Variants in PPP1R42 observed in about 807,000 individuals in gnomAD.
PPP1R42 encodes leucine rich repeat containing 67.
A neutral mutation model predicts 31.0 loss-of-function variants in PPP1R42; 34 were observed. That is an observed-to-expected ratio of 1.10 (90% CI 0.83 to 1.46). The LOEUF is 1.46. Ranked by LOEUF, PPP1R42 falls within the 40% of genes most tolerant of loss-of-function variation. The pLI, the probability that PPP1R42 is intolerant of heterozygous loss-of-function variation, is 0.00. For missense variants in PPP1R42, 268 were observed against 303.0 expected (o/e 0.88, Z 0.86); for synonymous variants, 103 against 109.8 (o/e 0.94, Z 0.39).
intron 7 of PPP1R42, 61 bp downstream of exon 7, chr8:66,981,985 TTTG>T (rs894297364): frequency 8.7e-6 from 11 of 1,266,152 alleles, no homozygotes; most frequent in Non-Finnish European, 1.1e-5. Flanking sequence ...TTGGCATTTT[TTTG>T]TTGCCTAGAA....
intron 5 of PPP1R42, among the ~76,000 whole-genome samples, chr8:67,006,679 A>C (rs1460921812): frequency 9.9e-6 from 1 of 100,616 alleles, no homozygotes; most frequent in Admixed American, 1.1e-4. Context: ...TTGCTTATGT[A>C]TTTTTTTTAA....
intron 7 of PPP1R42, among the ~76,000 whole-genome samples, chr8:66,976,776 T>C (rs868089171): frequency 1.1e-4 from 16 of 152,182 alleles, no homozygotes; most frequent in African/African-American, 3.9e-4. Flanking sequence ...CCATTGTGTA[T>C]ATATACCACA....
At chr8:66,970,706 C>G (rs1182966939) in intron 7 of PPP1R42, 2 of 425,484 alleles carry the variant, frequency 4.7e-6, no homozygotes, top group Non-Finnish European at 9.1e-6. Flanking sequence ...CCTACTGCCT[C>G]TGGGACTTTT....
intron 1 of PPP1R42, among the ~76,000 whole-genome samples, chr8:67,028,270 T>C (rs1156370447): frequency 6.6e-6 from 1 of 152,100 alleles, no homozygotes; most frequent in Non-Finnish European, 1.5e-5. Flanking sequence ...TCCACCTGTG[T>C]CTCCCTCCTC....
chr8:66,966,644 G>C (rs1344457461), intron 7 of PPP1R42, among the ~76,000 whole-genome samples: 1 of 152,010 alleles, frequency 6.6e-6, no homozygotes, highest in Non-Finnish European at 1.5e-5. Flanking sequence ...AACTGGCCGG[G>C]CGTGGTGGCA....
chr8:66,993,837 GATGAATGA>G lies in PPP1R42; in HGVS notation c.553-5328_553-5321del, dbSNP rs140471052. On this transcript the variant is annotated intron_variant, in intron 5 of 7. Transcript: ENST00000685739. ...AGGTGTTTTCAATGAATGTATGAGA[GATGAATGA>G]ATGAATGAATGAATGAACAAGAGAG... Among the ~76,000 whole-genome samples the G allele has an allele frequency of 4.6e-5, 7 of 151,924 alleles. No individual in the cohort carries two copies. In the South Asian group the frequency reaches 6.2e-4, roughly 14 times the overall value.
At chr8:67,024,771 C>T (rs765830511) in intron 1 of PPP1R42, among the ~76,000 whole-genome samples, 8 of 152,026 alleles carry the variant, frequency 5.3e-5, no homozygotes, top group Non-Finnish European at 8.8e-5. Context: ...GCCACTGCAC[C>T]CAGCCTAATT....
chr8:67,012,428 C>A (rs1041862215), intron 4 of PPP1R42, among the ~76,000 whole-genome samples: 1 of 152,112 alleles, frequency 6.6e-6, no homozygotes, highest in Non-Finnish European at 1.5e-5. Flanking sequence ...TGACTGGTTT[C>A]AGGCGACACA....
intron 4 of PPP1R42, 39 bp downstream of exon 4, chr8:67,012,919 C>G: frequency 6.5e-7 from 1 of 1,537,322 alleles, no homozygotes; most frequent in South Asian, 1.3e-5. Context: ...ACTTGTTAAT[C>G]ACTATATTCC....
chr8:67,021,001 C>T (rs1427922971), intron 1 of PPP1R42, among the ~76,000 whole-genome samples: 1 of 152,094 alleles, frequency 6.6e-6, no homozygotes, highest in African/African-American at 2.4e-5. Context: ...TGAGGTAACC[C>T]GTTTTTTCAA....
chr8:66,965,952 T>C (rs925510205), intron 7 of PPP1R42, among the ~76,000 whole-genome samples: 1 of 152,038 alleles, frequency 6.6e-6, no homozygotes, highest in Admixed American at 6.6e-5. Context: ...TAAAAGAATA[T>C]GTCAAACTAC....
At chr8:66,968,029 C>G (rs1814434882) in intron 7 of PPP1R42, among the ~76,000 whole-genome samples, 1 of 151,924 alleles carries the variant, frequency 6.6e-6, no homozygotes, top group Non-Finnish European at 1.5e-5. Context: ...TTTACTGTGA[C>G]AAACACAGAA....
chr8:66,995,894 G>T (rs1815319745), intron 5 of PPP1R42, among the ~76,000 whole-genome samples: 3 of 152,018 alleles, frequency 2.0e-5, no homozygotes, highest in African/African-American at 7.2e-5. Flanking sequence ...GGCTATTTTT[G>T]ATTTTTAAAT....
chr8:67,021,956 A>G (rs1409299529), intron 1 of PPP1R42, among the ~76,000 whole-genome samples: 1 of 151,154 alleles, frequency 6.6e-6, no homozygotes, highest in Non-Finnish European at 1.5e-5. Flanking sequence ...ATCTTTGAGT[A>G]TTTCTTTTTT....
At chr8:66,971,324 A>G (rs1814533260) in intron 7 of PPP1R42, among the ~76,000 whole-genome samples, 1 of 152,218 alleles carries the variant, frequency 6.6e-6, no homozygotes, top group African/African-American at 2.4e-5. Flanking sequence ...AAAAACCTAT[A>G]CAGGAAAGTT....
chr8:67,018,409 C>T (rs1188309017), intron 1 of PPP1R42, among the ~76,000 whole-genome samples: 1 of 151,876 alleles, frequency 6.6e-6, no homozygotes, highest in African/African-American at 2.4e-5. Flanking sequence ...TGAGCCACCG[C>T]GCCCGACCTC....
At chr8:66,987,089 G>A (rs544319607) in intron 6 of PPP1R42, among the ~76,000 whole-genome samples, 1 of 152,002 alleles carries the variant, frequency 6.6e-6, no homozygotes, top group East Asian at 1.9e-4. Flanking sequence ...TAATTATATA[G>A]CTTGTTAGTA....
chr8:66,978,346 C>T (rs12114202), intron 7 of PPP1R42, among the ~76,000 whole-genome samples: 4 of 152,060 alleles, frequency 2.6e-5, no homozygotes, highest in African/African-American at 9.7e-5. Context: ...TCTCCCACCA[C>T]GTCCCTCCCA....
intron 6 of PPP1R42, chr8:66,985,276 G>T: frequency 1.0e-6 from 1 of 956,008 alleles, no homozygotes. Flanking sequence ...GGAAGCGACA[G>T]TGGAGACTCG....
Sources: gnomAD v4.1 joint callset for allele counts (sites outside exome capture counted in the v4.1 genomes callset) on GRCh38, gnomAD v4.1.1 for gene constraint, MANE v1.5 for transcripts, NCBI Gene and HGNC (gene_info 2026-07-23, HGNC 2026-07-21) for gene names.